PPARGC1A: variants seen among roughly 807,000 people sequenced by gnomAD.
PPARGC1A encodes peroxisome proliferator-activated receptor gamma coactivator 1-alpha.
PPARGC1A carries 25 observed loss-of-function variants against 88.7 expected under a neutral mutation model. The observed-to-expected ratio is 0.28, with a 90% CI of 0.21 to 0.39. The LOEUF (loss-of-function observed/expected upper bound fraction) is 0.39. Ranked by LOEUF, PPARGC1A falls within the 10% of genes least tolerant of loss-of-function variation. The pLI is 1.00. For synonymous variants in PPARGC1A, 363 were observed against 355.6 expected, an observed-to-expected ratio of 1.02 and a Z score of -0.24; for missense variants, 880 against 968.7, an observed-to-expected ratio of 0.91 and a Z score of 1.22.
the PPARGC1A span, among the ~76,000 whole-genome samples, chr4:24,239,095 AT>A: frequency 6.6e-6 from 1 of 152,174 alleles, no homozygotes; most frequent in South Asian, 2.1e-4. Context: ...TGAATCAGAA[AT>A]TTAGGTTTCT....
At chr4:24,141,533 A>G in the PPARGC1A span, among the ~76,000 whole-genome samples, 1 of 152,244 alleles carries the variant, frequency 6.6e-6, no homozygotes, top group Non-Finnish European at 1.5e-5. Context: ...GGTGGAGAAC[A>G]TGCCATTCAA....
At chr4:24,417,102 G>A in the PPARGC1A span, among the ~76,000 whole-genome samples, 4 of 152,044 alleles carry the variant, frequency 2.6e-5, no homozygotes, top group African/African-American at 9.7e-5. Context: ...GTGACAACTG[G>A]TAGGAAAGGA....
the PPARGC1A span, among the ~76,000 whole-genome samples, chr4:23,909,337 G>C: frequency 7.2e-5 from 11 of 152,134 alleles, no homozygotes; most frequent in Admixed American, 6.5e-4. Context: ...AAAATGACTG[G>C]TGCCCTACGT....
intron 2 of PPARGC1A, among the ~76,000 whole-genome samples, chr4:23,849,184 G>A (rs1338151490): frequency 6.6e-6 from 1 of 152,166 alleles, no homozygotes; most frequent in African/African-American, 2.4e-5. Context: ...GAATTGTGGT[G>A]AGGATTAAAT....
chr4:23,986,735 AC>A, the PPARGC1A span, among the ~76,000 whole-genome samples: 1 of 152,074 alleles, frequency 6.6e-6, no homozygotes, highest in Admixed American at 6.6e-5. Flanking sequence ...TCCAGCAAAA[AC>A]AAAATTCTAA....
chr4:23,981,135 T>C, the PPARGC1A span, among the ~76,000 whole-genome samples: 1 of 152,002 alleles, frequency 6.6e-6, no homozygotes, highest in Non-Finnish European at 1.5e-5. Context: ...ACATATCTCT[T>C]TTGATCTTCC....
the PPARGC1A span, among the ~76,000 whole-genome samples, chr4:24,426,424 C>T: frequency 2.6e-5 from 4 of 152,136 alleles, no homozygotes; most frequent in Non-Finnish European, 5.9e-5. Context: ...AAAACAGCAG[C>T]GATATACCAG....
chr4:24,067,542 C>A, the PPARGC1A span, among the ~76,000 whole-genome samples: 5 of 152,148 alleles, frequency 3.3e-5, 1 homozygote, highest in South Asian at 1.0e-3. Context: ...ACAGAACACG[C>A]AGATCTGGAA....
At chr4:24,379,666 C>T in the PPARGC1A span, among the ~76,000 whole-genome samples, 1 of 151,726 alleles carries the variant, frequency 6.6e-6, no homozygotes, top group Admixed American at 6.6e-5. Flanking sequence ...CTGTGATGTC[C>T]ATTATGAAAA....
At chr4:23,887,217 TCTCA>T (rs1239175237) in intron 1 of PPARGC1A, among the ~76,000 whole-genome samples, 4 of 152,236 alleles carry the variant, frequency 2.6e-5, no homozygotes, top group Admixed American at 6.5e-5. Flanking sequence ...TCTCTCTCTC[TCTCA>T]TTTTGCTTTT....
At chr4:24,252,554 A>G in the PPARGC1A span, among the ~76,000 whole-genome samples, 1 of 152,240 alleles carries the variant, frequency 6.6e-6, no homozygotes. Flanking sequence ...TTTTAGCTTT[A>G]GAACACTTTC....
chr4:24,269,421 C>G, the PPARGC1A span, among the ~76,000 whole-genome samples: 1 of 152,064 alleles, frequency 6.6e-6, no homozygotes, highest in Admixed American at 6.5e-5. Context: ...CTCTAGTATT[C>G]ATGTCAGATA....
the PPARGC1A span, among the ~76,000 whole-genome samples, chr4:24,239,909 C>T: frequency 5.9e-5 from 9 of 152,096 alleles, no homozygotes; most frequent in South Asian, 1.7e-3. Context: ...CTACCTGTCT[C>T]GCTTATTCTC....
At chr4:24,400,358 G>T in the PPARGC1A span, among the ~76,000 whole-genome samples, 2 of 152,094 alleles carry the variant, frequency 1.3e-5, no homozygotes, top group Non-Finnish European at 2.9e-5. Flanking sequence ...AGAGAGATGG[G>T]CCTAGCCTGC....
chr4:24,330,763 G>T, the PPARGC1A span, among the ~76,000 whole-genome samples: 1 of 152,144 alleles, frequency 6.6e-6, no homozygotes, highest in East Asian at 1.9e-4. Flanking sequence ...GCTGGGAAGG[G>T]GTGGAGCTGG....
chr4:24,227,651 T>C, the PPARGC1A span, among the ~76,000 whole-genome samples: 936 of 152,248 alleles, frequency 6.1e-3, 23 homozygotes, highest in East Asian at 0.088. Flanking sequence ...ATACAGAGGA[T>C]TGTTTATCCA....
the PPARGC1A span, among the ~76,000 whole-genome samples, chr4:23,921,790 C>T: frequency 6.6e-6 from 1 of 152,118 alleles, no homozygotes. Flanking sequence ...AAGGCTCAAT[C>T]CTAAAAGTTA....
intron 1 of PPARGC1A, among the ~76,000 whole-genome samples, chr4:23,899,107 A>G (rs913118416): frequency 6.6e-6 from 1 of 151,056 alleles, no homozygotes; most frequent in Non-Finnish European, 1.5e-5. Context: ...TTGGCCTTCC[A>G]AAGTGCTGGG....
the PPARGC1A span, among the ~76,000 whole-genome samples, chr4:24,012,269 C>G: frequency 6.6e-6 from 1 of 151,838 alleles, no homozygotes; most frequent in Non-Finnish European, 1.5e-5. Context: ...ACCAGACCTC[C>G]TAGGGTGACC....
Sources: gnomAD v4.1 joint callset for allele counts (sites outside exome capture counted in the v4.1 genomes callset) on GRCh38, gnomAD v4.1.1 for gene constraint, MANE v1.5 for transcripts, NCBI Gene and HGNC (gene_info 2026-07-23, HGNC 2026-07-21) for gene names.